The following ZSWIM8 variants were observed in gnomAD, a reference collection of about 807,000 sequenced individuals.
ZSWIM8 encodes zinc finger SWIM-type containing 8.
In ZSWIM8, 27 loss-of-function variants were observed where a neutral mutation model predicts 173.7. The observed-to-expected ratio is 0.16, with a 90% CI of 0.11 to 0.21. The LOEUF (loss-of-function observed/expected upper bound fraction) is 0.21. ZSWIM8 is among the 10% of genes least tolerant of loss of function. ZSWIM8 has a pLI of 1.00. For missense variants in ZSWIM8, 1,627 were observed against 2,428.8 expected, an observed-to-expected ratio of 0.67 and a Z score of 6.94; for synonymous variants, 958 against 962.0, an observed-to-expected ratio of 1.00 and a Z score of 0.08.
chr10:73,798,871 A>G (rs1182541870), intron 20 of ZSWIM8, 131 bp from the exon 21 acceptor site: 12 of 1,256,654 alleles, frequency 9.5e-6, no homozygotes, highest in Non-Finnish European at 1.3e-5. Flanking sequence ...AATGGACTCT[A>G]AGCATTGACA....
chr10:73,796,645 T>G (rs2083671992), intron 15 of ZSWIM8, 129 bp from the exon 16 acceptor site: 28 of 1,308,476 alleles, frequency 2.1e-5, no homozygotes, highest in Non-Finnish European at 2.9e-5. Flanking sequence ...ATCCTGTGGT[T>G]GTAAGTGGGG....
In ZSWIM8 at chr10:73,794,349, C is replaced by T. The variant is rs1236684276; in HGVS notation, c.2809+19C>T. 7.4e-6 allele frequency: 12 copies of T among 1,610,924 alleles called. No homozygotes were observed. Among genetic ancestry groups the T allele is most frequent in the Non-Finnish European group, 1.0e-5 (12 of 1,178,178 alleles). The stretch of plus-strand genomic sequence containing the variant: ...GCTCCAGGTATGATGCCTGACCCTA[C>T]AGTAAGTGGGGAACTGGGGTAGGGG... On this transcript the variant is annotated intron_variant, in intron 13 of 25. Transcript: ENST00000604729.
intron 7 of ZSWIM8, among the ~76,000 whole-genome samples, chr10:73,790,709 C>T (rs1330992608): frequency 2.6e-5 from 4 of 151,968 alleles, no homozygotes; most frequent in Admixed American, 6.6e-5. Flanking sequence ...ATTAGCCAGG[C>T]GTGGTGGCGG....
chr10:73,799,594 C>G, intron 21 of ZSWIM8, 104 bp downstream of exon 21: 1 of 1,480,200 alleles, frequency 6.8e-7, no homozygotes, highest in East Asian at 2.5e-5. Flanking sequence ...GTCGGAGAGT[C>G]CTGGTGAGGT....
intron 10 of ZSWIM8, among the ~76,000 whole-genome samples, chr10:73,793,175 G>A (rs2083483367): frequency 6.6e-6 from 1 of 152,172 alleles, no homozygotes; most frequent in Non-Finnish European, 1.5e-5. Context: ...TGGCTGCTCT[G>A]TCCTTTGCAC....
At position 73,792,772 on chromosome 10, in the gene ZSWIM8, G is replaced by A. The variant is rs1235958797; in HGVS notation, c.2233G>A (p.Glu745Lys). 1 of 1,611,176 alleles carries A rather than the reference G, an allele frequency of 6.2e-7. No homozygotes were observed. The highest frequency in any genetic ancestry group is 1.1e-5 in the South Asian group (1 of 91,054). ...NAQDGAGGEE[E>K]KAEGGAGEEH... ...CCAGGATGGGGCTGGGGGCGAGGAA[G>A]AGAAGGCCGAGGGCGGGGCTGGGGA... is the stretch of plus-strand genomic sequence containing the variant. Residue 745 changes from glutamate to lysine, a missense_variant, in exon 10 of 26, where the codon GAG (glutamate) becomes AAG (lysine). Transcript: ENST00000604729. This position sits in a 1 kb window ranked among gnomAD's most constrained non-coding sequence, Gnocchi z 4.3.
In ZSWIM8 at chr10:73,792,455, G is replaced by T; in HGVS notation, c.1916G>T (p.Gly639Val). The T allele has an allele frequency of 6.2e-7, 1 of 1,608,246 alleles. No individual in the cohort carries two copies. Among genetic ancestry groups the T allele is most frequent in the Non-Finnish European group, 8.5e-7 (1 of 1,177,222 alleles). Residue 639 changes from glycine (G) to valine (V), a missense_variant, in exon 10 of 26, where the codon GGA (glycine) becomes GTA (valine). Physicochemically the swap from Gly to Val is moderately radical, Grantham distance 109. Around this residue, in one of 18 missense-constraint regions of ZSWIM8, gnomAD observed 383 missense variants for 394.8 expected, o/e 0.97. Coordinates refer to ENST00000604729, the MANE Select transcript of ZSWIM8 (RefSeq NM_001367799.1). The surrounding 1 kb of genome is among the most constrained non-coding windows in gnomAD (Gnocchi z 4.3). ...GGCGCAGAGGCCAGCACCTTCGGGG[G>T]ATTCCCTGAGAGCCCTCCACCCTGT... is the stretch of plus-strand genomic sequence containing the variant. ...ALGAEASTFG[G>V]FPESPPPCPL...
At position 73,793,972 on chromosome 10, in the gene ZSWIM8, C is replaced by T. The variant is rs773854786; in HGVS notation, c.2553C>T (p.His851=). The T allele has an allele frequency of 6.2e-7, 1 of 1,613,536 alleles. No individual in the cohort carries two copies. Among genetic ancestry groups the T allele is most frequent in the South Asian group, 1.1e-5 (1 of 91,012 alleles). The change falls in exon 12 of 26, where the codon CAC becomes CAT. Residue 851 remains histidine, a synonymous_variant. Coordinates refer to ENST00000604729, the MANE Select transcript of ZSWIM8 (RefSeq NM_001367799.1). ...TGCTAAGTGAGCGTCCAGAGCACCA[C>T]AACCTGGCCTTCCGAGTTGGCATGT... The part of the protein sequence containing the change: ...LTVLSERPEH[H]NLAFRVGMFA...
Position 73,799,124 on chromosome 10 carries a change from A to G in ZSWIM8, c.4299A>G (p.Ala1433=). The G allele has an allele frequency of 3.7e-6, 6 of 1,613,614 alleles. No individual in the cohort carries two copies. Among genetic ancestry groups the G allele is most frequent in the Middle Eastern group, 1.7e-4 (1 of 6,058 alleles). ...HQWFWLYEQT[A]GGSSTAREGA... ...GGTTCTGGCTGTATGAGCAAACTGC[A>G]GGTGGCTCATCCACAGCCCGTGAAG... The change falls in exon 21 of 26, where the codon GCA becomes GCG. Residue 1433 remains alanine (A), a synonymous_variant. Transcript: ENST00000604729.
Position 73,789,040 on chromosome 10 carries a change from G to C in ZSWIM8, c.363-56G>C. 6.3e-7 allele frequency: 1 copy of C among 1,578,954 alleles called. No homozygotes were observed. Among genetic ancestry groups the C allele is most frequent in the Non-Finnish European group, 8.7e-7 (1 of 1,152,540 alleles). On this transcript the variant is annotated intron_variant, in intron 2 of 25. Transcript: ENST00000604729. This position sits in a 1 kb window ranked among gnomAD's most constrained non-coding sequence, Gnocchi z 6.8. Reference sequence around the variant, plus strand: ...GCCTAGGGCATTGTGGTCTCTGACAGGGTCTGCCAAAGGTTATTTGCTGAG... The same window carrying C: ...GCCTAGGGCATTGTGGTCTCTGACACGGTCTGCCAAAGGTTATTTGCTGAG...
At position 73,790,055 on chromosome 10, in the gene ZSWIM8, G is replaced by C. The variant is rs768435079; in HGVS notation, c.820+18G>C. 2 of 1,610,014 alleles carry C rather than the reference G, an allele frequency of 1.2e-6. No homozygotes were observed. The highest frequency in any genetic ancestry group is 3.4e-5 in the Admixed American group (2 of 59,270). ...AGCTCCGGGTGAGTGTGGTGAGAAA[G>C]ATTGGCAGTAGGAAGAAAGCCAGCT... On this transcript the variant is annotated intron_variant, in intron 6 of 25. Coordinates refer to ENST00000604729, the MANE Select transcript of ZSWIM8 (RefSeq NM_001367799.1).
In ZSWIM8 at chr10:73,793,611, C is replaced by T; in HGVS notation, c.2337C>T (p.Ala779=). Residue 779 remains alanine, a synonymous_variant, in exon 11 of 26, where the codon GCC becomes GCT. Coordinates refer to ENST00000604729, the MANE Select transcript of ZSWIM8 (RefSeq NM_001367799.1). ...AGGTACTGTTTGCCTGTGCTGAGGC[C>T]CTGCATGCGCATGGCTATAGCAGTG... The part of the protein sequence containing the change: ...RMEVLFACAE[A]LHAHGYSSEA... The T allele has an allele frequency of 6.2e-7, 1 of 1,606,056 alleles. No individual in the cohort carries two copies. Among genetic ancestry groups the T allele is most frequent in the Non-Finnish European group, 8.5e-7 (1 of 1,176,024 alleles).
At chr10:73,799,904 C>CTCTTA (rs2083850118) in intron 21 of ZSWIM8, 107 bp from the exon 22 acceptor site, 6 of 1,132,042 alleles carry the variant, frequency 5.3e-6, no homozygotes, top group Non-Finnish European at 6.4e-6. Context: ...CAGAGCGAGA[C>CTCTTA]TCTATCTCAA....
At chr10:73,786,271 C>A in intron 1 of ZSWIM8, 185 bp downstream of exon 1, 1 of 642,802 alleles carries the variant, frequency 1.6e-6, no homozygotes, top group Non-Finnish European at 2.4e-6. Flanking sequence ...GACTTCAGAA[C>A]TCGCTTTTCC....
chr10:73,794,132 T>C lies in ZSWIM8; in HGVS notation c.2626-15T>C. ...TTGACACACCAGAGGTCTGAGCTCC[T>C]TCCTGTGCCCTCAGGTGAAGCTGGC... On this transcript the variant is annotated splice_polypyrimidine_tract_variant and intron_variant, in intron 12 of 25. Coordinates refer to ENST00000604729, the MANE Select transcript of ZSWIM8 (RefSeq NM_001367799.1). 1 of 1,613,772 alleles carries C rather than the reference T, an allele frequency of 6.2e-7. No homozygotes were observed. The highest frequency in any genetic ancestry group is 1.1e-5 in the South Asian group (1 of 91,068).
chr10:73,800,381 G>A lies in ZSWIM8; in HGVS notation c.4911G>A (p.Val1637=), dbSNP rs1409655184. 1.2e-6 allele frequency: 2 copies of A among 1,613,890 alleles called. No homozygotes were observed. The highest frequency in any genetic ancestry group is 1.7e-6 in the Non-Finnish European group (2 of 1,179,866). Residue 1637 remains valine, a synonymous_variant, in exon 23 of 26, where the codon GTG becomes GTA. Transcript: ENST00000604729. The surrounding 1 kb of genome is among the most constrained non-coding windows in gnomAD (Gnocchi z 4.1). The part of the protein sequence containing the change: ...PALTTQPSPL[V]SGGFPPPEEE... ...TGACCACACAGCCCAGCCCTCTGGT[G>A]AGCGGAGGTTTTCCACCGCCCGAGG...
chr10:73,789,577 C>A lies in ZSWIM8; in HGVS notation c.630+38C>A. ...CAATTTATCCCGGCCCTATCCTACA[C>A]TCCATCCCCCCCTTCTCTGCTGCAT... is the stretch of plus-strand genomic sequence containing the variant. On this transcript the variant is annotated intron_variant, in intron 4 of 25. Coordinates refer to ENST00000604729, the MANE Select transcript of ZSWIM8 (RefSeq NM_001367799.1). The surrounding 1 kb of genome is among the most constrained non-coding windows in gnomAD (Gnocchi z 6.8). The A allele has an allele frequency of 6.3e-7, 1 of 1,599,762 alleles. No individual in the cohort carries two copies. The highest frequency in any genetic ancestry group is 8.5e-7 in the Non-Finnish European group (1 of 1,173,634).
Position 73,792,455 on chromosome 10 carries a change from G to A in ZSWIM8, c.1916G>A (p.Gly639Glu). 1.9e-6 allele frequency: 3 copies of A among 1,608,246 alleles called. No individual in the cohort carries two copies. Among genetic ancestry groups the A allele is most frequent in the Non-Finnish European group, 2.5e-6 (3 of 1,177,222 alleles). The stretch of plus-strand genomic sequence containing the variant: ...GGCGCAGAGGCCAGCACCTTCGGGG[G>A]ATTCCCTGAGAGCCCTCCACCCTGT... ...ALGAEASTFGGFPESPPPCPL... is the reference protein window; with the variant it reads ...ALGAEASTFGEFPESPPPCPL... Residue 639 changes from glycine to glutamate, a missense_variant, in exon 10 of 26, where the codon GGA becomes GAA. Gly to Glu is a moderately conservative substitution (Grantham distance 98). Coordinates refer to ENST00000604729, the MANE Select transcript of ZSWIM8 (RefSeq NM_001367799.1). The surrounding 1 kb of genome is among the most constrained non-coding windows in gnomAD (Gnocchi z 4.3).
chr10:73,794,529 A>G lies in ZSWIM8; in HGVS notation c.2810-12A>G, dbSNP rs1442903446. ...ACTTCTGTCTGCCTGACTTACCCCA[A>G]CTTTTATACAGTGGTTTCTCCCACA... On this transcript the variant is annotated splice_polypyrimidine_tract_variant and intron_variant, in intron 13 of 25. Transcript: ENST00000604729. The G allele has an allele frequency of 1.9e-6, 3 of 1,563,184 alleles. No individual in the cohort carries two copies. Among genetic ancestry groups the G allele is most frequent in the African/African-American group, 1.4e-5 (1 of 73,548 alleles).
Sources: allele counts gnomAD v4.1 joint callset (sites outside exome capture counted in the v4.1 genomes callset), GRCh38; gene constraint gnomAD v4.1.1; regional missense constraint gnomAD v4.1.1; non-coding constraint Gnocchi (gnomAD v3.1); transcripts MANE v1.5; gene names NCBI Gene and HGNC (gene_info 2026-07-23, HGNC 2026-07-21).